STXBP6: variants seen among roughly 807,000 people sequenced by gnomAD.
The protein encoded by STXBP6 is syntaxin-binding protein 6.
Under a neutral mutation model 26.9 loss-of-function variants are expected in STXBP6, and 21 were observed. That is an observed-to-expected ratio of 0.78 (90% CI 0.55 to 1.12). The LOEUF (loss-of-function observed/expected upper bound fraction) is 1.12, where lower values mean the gene tolerates loss of function less well. Ranked by LOEUF, STXBP6 falls within the 50% of genes most tolerant of loss-of-function variation. The pLI is 0.00. For missense variants in STXBP6, 232 were observed against 257.9 expected (o/e 0.90, Z 0.69); for synonymous variants, 97 against 92.6 (o/e 1.05, Z -0.27).
intron 2 of STXBP6, among the ~76,000 whole-genome samples, chr14:24,948,345 CT>C (rs1179618776): frequency 3.0e-5 from 2 of 67,760 alleles, no homozygotes; most frequent in Non-Finnish European, 6.4e-5. Context: ...TTTATGGACA[CT>C]TTTCACCTGC....
intron 4 of STXBP6, among the ~76,000 whole-genome samples, chr14:24,829,677 T>C (rs1166024570): frequency 2.8e-5 from 4 of 143,010 alleles, no homozygotes; most frequent in Admixed American, 6.9e-5. Flanking sequence ...TGTTTATTCA[T>C]TGAACTATTT....
intron 2 of STXBP6, 147 bp from the exon 3 acceptor site, chr14:24,857,304 A>G: frequency 1.9e-6 from 2 of 1,048,968 alleles, no homozygotes; most frequent in Non-Finnish European, 2.8e-6. Context: ...ATGAATAAAT[A>G]TGTGTGCCTT....
At chr14:24,925,860 C>A (rs1170646776) in intron 2 of STXBP6, among the ~76,000 whole-genome samples, 1 of 152,076 alleles carries the variant, frequency 6.6e-6, no homozygotes, top group Non-Finnish European at 1.5e-5. Context: ...GACTAAAGAC[C>A]AACTTTCTGA....
In STXBP6 at chr14:24,943,141, A is replaced by G. The variant is rs956258776; in HGVS notation, c.154+31524T>C. 4.6e-5 allele frequency among the ~76,000 whole-genome samples: 7 copies of G among 152,172 alleles called. 2 individuals carry two copies. Among genetic ancestry groups the G allele is most frequent in the Admixed American group, 3.9e-4 (6 of 15,274 alleles). On this transcript the variant is annotated intron_variant, in intron 2 of 5. Transcript: ENST00000323944. The stretch of plus-strand genomic sequence containing the variant: ...CACTGGGGGTGGGGTGTGAGGCAAG[A>G]AGGCTGGGAAATCTGTTTTCAATCT...
intron 4 of STXBP6, among the ~76,000 whole-genome samples, chr14:24,838,453 A>AG (rs766666042): frequency 1.7e-4 from 26 of 152,218 alleles, no homozygotes; most frequent in Admixed American, 4.6e-4. Context: ...TGGGAGGCCA[A>AG]GGCCAGTGGA....
chr14:24,971,026 T>C (rs2073890905), intron 2 of STXBP6, among the ~76,000 whole-genome samples: 1 of 152,226 alleles, frequency 6.6e-6, no homozygotes, highest in Admixed American at 6.5e-5. Flanking sequence ...ACTCAAATCC[T>C]ATCCCAAGAC....
intron 2 of STXBP6, among the ~76,000 whole-genome samples, chr14:24,931,852 G>A (rs1222110377): frequency 6.6e-6 from 1 of 152,102 alleles, no homozygotes; most frequent in Non-Finnish European, 1.5e-5. Flanking sequence ...CCAGTTAGTG[G>A]TCAGCTATAC....
rs1310399273 is a variant in STXBP6 at position 24,812,160 on chromosome 14, C to T, written c.*549G>A. On this transcript the variant is annotated 3_prime_UTR_variant, in exon 6 of 6. Coordinates refer to ENST00000323944, the MANE Select transcript of STXBP6 (RefSeq NM_001394410.1). ...ATGCAAGGAGCAAAATCTAAGACTGCTGTTTTTCCCAATAAATTCAATTGT... is the reference window on the plus strand; with the variant it reads ...ATGCAAGGAGCAAAATCTAAGACTGTTGTTTTTCCCAATAAATTCAATTGT... 1 of 151,614 alleles carries T rather than the reference C, an allele frequency of 6.6e-6. No individual in the cohort carries two copies. The allele number at this position is 151,614 out of a possible 1,614,324, so 9.4% of individuals were successfully genotyped here.
chr14:24,828,582 G>C (rs1177843846), intron 4 of STXBP6, among the ~76,000 whole-genome samples: 1 of 152,112 alleles, frequency 6.6e-6, no homozygotes, highest in African/African-American at 2.4e-5. Context: ...AGAAAACTAC[G>C]AGTAAGCCAA....
intron 1 of STXBP6, among the ~76,000 whole-genome samples, chr14:25,024,085 A>G (rs1033773253): frequency 2.4e-4 from 37 of 152,146 alleles, no homozygotes; most frequent in African/African-American, 8.2e-4. Context: ...CGAGGTGGGC[A>G]GATCACAAGG....
At chr14:24,975,836 G>A (rs971701982) in intron 1 of STXBP6, among the ~76,000 whole-genome samples, 5 of 152,160 alleles carry the variant, frequency 3.3e-5, no homozygotes, top group African/African-American at 1.2e-4. Context: ...AGATTCTACA[G>A]CAACTTGAGT....
In STXBP6 at chr14:25,043,313, A is replaced by G. The variant is rs142511563; in HGVS notation, c.-33+6565T>C. 8.8e-3 allele frequency among the ~76,000 whole-genome samples: 1,346 copies of G among 152,336 alleles called. 17 individuals carry two copies. The highest frequency in any genetic ancestry group is 0.029 in the African/African-American group (1,219 of 41,582). ...AAACAAGGATAAACGAATAATCCAG[A>G]TATTTTTTCCCGATAGCAGAAAATT... On this transcript the variant is annotated intron_variant, in intron 1 of 5. Transcript: ENST00000323944.
At chr14:24,903,091 G>A (rs1026393162) in intron 2 of STXBP6, among the ~76,000 whole-genome samples, 2 of 152,146 alleles carry the variant, frequency 1.3e-5, no homozygotes, top group Non-Finnish European at 2.9e-5. Context: ...TTTAGCAGAG[G>A]ATTAAAAAAT....
At chr14:25,033,520 C>T (rs1368607154) in intron 1 of STXBP6, among the ~76,000 whole-genome samples, 1 of 152,166 alleles carries the variant, frequency 6.6e-6, no homozygotes, top group Non-Finnish European at 1.5e-5. Context: ...ACCCATTATC[C>T]TCCACTTCCA....
rs897110204 is a variant in STXBP6 at position 25,048,255 on chromosome 14, G to C, written c.-33+1623C>G. 5.3e-5 allele frequency among the ~76,000 whole-genome samples: 8 copies of C among 152,320 alleles called. No individual in the cohort carries two copies. The East Asian group carries it at 1.5e-3, about 29-fold the overall frequency. On this transcript the variant is annotated intron_variant, in intron 1 of 5. Transcript: ENST00000323944. ...GAATGGTGCTTTTAAAGTTTTCTTA[G>C]CTCTTTTCATTTTCATTATCTCATC...
intron 1 of STXBP6, among the ~76,000 whole-genome samples, chr14:24,990,659 C>CAAAAAAA (rs1211659589): frequency 4.5e-4 from 26 of 57,284 alleles, no homozygotes; most frequent in African/African-American, 6.5e-4. Context: ...AACTCCATCT[C>CAAAAAAA]AAAAAAAAAA....
At chr14:24,892,276 G>A (rs1566450035) in intron 2 of STXBP6, among the ~76,000 whole-genome samples, 2 of 151,990 alleles carry the variant, frequency 1.3e-5, no homozygotes, top group Admixed American at 1.3e-4. Context: ...AAAGTGGGGG[G>A]AAAAGAGGGT....
intron 2 of STXBP6, among the ~76,000 whole-genome samples, chr14:24,875,745 A>G (rs535665419): frequency 6.6e-6 from 1 of 152,320 alleles, no homozygotes; most frequent in Admixed American, 6.5e-5. Context: ...AAAAATCTGA[A>G]GGCACAAATA....
intron 1 of STXBP6, among the ~76,000 whole-genome samples, chr14:25,042,153 G>T (rs953641755): frequency 3.3e-4 from 51 of 152,268 alleles, no homozygotes; most frequent in Non-Finnish European, 6.8e-4. Context: ...GATGATAAAC[G>T]AAACAGAAAC....
Sources: gnomAD v4.1 joint callset for allele counts (sites outside exome capture counted in the v4.1 genomes callset) on GRCh38, gnomAD v4.1.1 for gene constraint, MANE v1.5 for transcripts, NCBI Gene and HGNC (gene_info 2026-07-23, HGNC 2026-07-21) for gene names.